CACNA1D: variants seen among roughly 807,000 people sequenced by gnomAD.
The protein encoded by CACNA1D is voltage-dependent L-type calcium channel subunit alpha-1D.
Under a neutral mutation model 257.1 loss-of-function variants are expected in CACNA1D, and 55 were observed. The ratio of observed to expected loss-of-function variants is 0.21; its 90% CI spans 0.17 to 0.27. The LOEUF is 0.27. CACNA1D is among the 10% of genes least tolerant of loss of function. The pLI, the probability that CACNA1D is intolerant of heterozygous loss-of-function variation, is 1.00. For missense variants in CACNA1D, 1,876 were observed against 2,784.0 expected (o/e 0.67, Z 7.34); for synonymous variants, 980 against 1,014.9 (o/e 0.97, Z 0.65).
chr3:53,682,954 G>A (rs539310039), intron 8 of CACNA1D, among the ~76,000 whole-genome samples: 10 of 152,272 alleles, frequency 6.6e-5, no homozygotes, highest in Non-Finnish European at 7.3e-5. Context: ...GGTAAACTCC[G>A]CAGTTGTCCT....
In CACNA1D at chr3:53,735,381, G is replaced by A. The variant is rs564937293; in HGVS notation, c.2629G>A (p.Val877Ile). The A allele has an allele frequency of 1.2e-5, 19 of 1,614,096 alleles. No homozygotes were observed. The East Asian group carries it at 2.2e-4, about 19-fold the overall frequency. ...AGCGGCTTTTCCCTGCAGGATCCGC[G>A]TAGGCTGCCACAAGCTCATCAACCA... ...FILSKTNPIRVGCHKLINHHI... is the reference protein window; with the variant it reads ...FILSKTNPIRIGCHKLINHHI... The change falls in exon 20 of 48, where the codon GTA becomes ATA. Residue 877 changes from valine to isoleucine, a missense_variant. Coordinates refer to ENST00000350061, the MANE Select transcript of CACNA1D (RefSeq NM_001128840.3).
chr3:53,803,706 C>T, intron 44 of CACNA1D, 134 bp downstream of exon 44: 1 of 816,156 alleles, frequency 1.2e-6, no homozygotes, highest in Non-Finnish European at 2.1e-6. Context: ...AAACTCCAGG[C>T]CAGAGGGAGA....
At chr3:53,604,892 C>T (rs2093488751) in intron 3 of CACNA1D, among the ~76,000 whole-genome samples, 1 of 152,148 alleles carries the variant, frequency 6.6e-6, no homozygotes, top group Non-Finnish European at 1.5e-5. Flanking sequence ...GGCAGAGTAG[C>T]ATGCTCACCC....
chr3:53,649,203 A>C lies in CACNA1D; in HGVS notation c.484-1576A>C, dbSNP rs116068260. On this transcript the variant is annotated intron_variant, in intron 3 of 47. Coordinates refer to ENST00000350061, the MANE Select transcript of CACNA1D (RefSeq NM_001128840.3). Reference sequence around the variant, plus strand: ...AAGGGTGTTGGGGATACTGCAAGCAAACATTTAATAGGTGACGGTTCCTCA... The same window carrying C: ...AAGGGTGTTGGGGATACTGCAAGCACACATTTAATAGGTGACGGTTCCTCA... Among the ~76,000 whole-genome samples the C allele has an allele frequency of 5.4e-3, 827 of 152,320 alleles. 9 individuals carry two copies. Among genetic ancestry groups the C allele is most frequent in the African/African-American group, 0.019 (792 of 41,574 alleles).
intron 40 of CACNA1D, among the ~76,000 whole-genome samples, chr3:53,788,503 G>C (rs1233619344): frequency 6.6e-6 from 1 of 152,218 alleles, no homozygotes; most frequent in African/African-American, 2.4e-5. Context: ...GCCTCCGAAA[G>C]ACAAAGCAAA....
intron 9 of CACNA1D, among the ~76,000 whole-genome samples, chr3:53,709,402 G>T (rs147686120): frequency 4.6e-5 from 7 of 152,308 alleles, no homozygotes; most frequent in East Asian, 1.9e-4. Context: ...CAGTCTGCAG[G>T]CTAACTATCA....
At position 53,660,237 on chromosome 3, in the gene CACNA1D, G is replaced by A; in HGVS notation, c.728G>A (p.Arg243Gln). The part of the protein sequence containing the change: ...GFDVKALRAF[R>Q]VLRPLRLVSG... ...GATGTCAAAGCCCTCCGTGCCTTTC[G>A]AGTGTTGCGACCACTTCGACTAGTG... Residue 243 changes from arginine (R) to glutamine (Q), a missense_variant, in exon 5 of 48, where the codon CGA becomes CAA. Arg to Gln is a conservative substitution (Grantham distance 43, BLOSUM62 1). Transcript: ENST00000350061. The A allele has an allele frequency of 6.2e-7, 1 of 1,614,088 alleles. No individual in the cohort carries two copies. The highest frequency in any genetic ancestry group is 8.5e-7 in the Non-Finnish European group (1 of 1,179,980).
At chr3:53,503,570 T>C (rs753807525) in intron 3 of CACNA1D, among the ~76,000 whole-genome samples, 1 of 152,240 alleles carries the variant, frequency 6.6e-6, no homozygotes, top group Non-Finnish European at 1.5e-5. Flanking sequence ...ATAATTAATG[T>C]AGCTGCATGT....
intron 32 of CACNA1D, 35 bp from the exon 33 acceptor site, chr3:53,772,798 G>A (rs367551208): frequency 2.7e-5 from 42 of 1,582,070 alleles, no homozygotes; most frequent in South Asian, 4.4e-5. Context: ...GGGGACAGCC[G>A]GCTGGTGCTG....
At chr3:53,642,706 C>T (rs1403303113) in intron 3 of CACNA1D, among the ~76,000 whole-genome samples, 1 of 152,240 alleles carries the variant, frequency 6.6e-6, no homozygotes, top group Non-Finnish European at 1.5e-5. Flanking sequence ...CACCAGGTCA[C>T]CCTGCTGGCC....
At chr3:53,524,583 A>G (rs1192489915) in intron 3 of CACNA1D, among the ~76,000 whole-genome samples, 1 of 152,220 alleles carries the variant, frequency 6.6e-6, no homozygotes, top group African/African-American at 2.4e-5. Context: ...GGATGAGATG[A>G]TGGAGCAGGG....
intron 3 of CACNA1D, among the ~76,000 whole-genome samples, chr3:53,575,824 A>G (rs1016129350): frequency 2.0e-5 from 3 of 152,224 alleles, no homozygotes; most frequent in African/African-American, 7.2e-5. Context: ...ATGTGCTGAG[A>G]TCTGGTGTTT....
intron 3 of CACNA1D, among the ~76,000 whole-genome samples, chr3:53,540,040 ATCT>A (rs1459953454): frequency 1.4e-5 from 2 of 147,288 alleles, no homozygotes; most frequent in Non-Finnish European, 3.0e-5. Context: ...ACTCTGGCTT[ATCT>A]TCACTTTCTT....
chr3:53,565,410 C>G (rs538168275), intron 3 of CACNA1D, among the ~76,000 whole-genome samples: 2 of 152,222 alleles, frequency 1.3e-5, no homozygotes, highest in African/African-American at 4.8e-5. Flanking sequence ...ATTGTATTGA[C>G]TTGTTTCCTG....
At chr3:53,545,457 A>G (rs1338995917) in intron 3 of CACNA1D, among the ~76,000 whole-genome samples, 1 of 152,192 alleles carries the variant, frequency 6.6e-6, no homozygotes, top group Admixed American at 6.5e-5. Flanking sequence ...TGCCCTTGTC[A>G]TGGAACTGAG....
intron 3 of CACNA1D, among the ~76,000 whole-genome samples, chr3:53,603,824 A>G (rs972930758): frequency 2.0e-4 from 31 of 152,224 alleles, no homozygotes; most frequent in Admixed American, 7.9e-4. Flanking sequence ...AGAATTTTGC[A>G]GGGATACGGG....
chr3:53,505,427 C>T lies in CACNA1D; in HGVS notation c.483+3707C>T, dbSNP rs577487980. Among the ~76,000 whole-genome samples the T allele has an allele frequency of 6.6e-5, 10 of 152,292 alleles. 1 individual carries two copies. Among genetic ancestry groups the T allele is most frequent in the Admixed American group, 6.5e-4 (10 of 15,298 alleles). The stretch of plus-strand genomic sequence containing the variant: ...CCTGGCCTATATGCACATCTTTATC[C>T]TCTGGAGCGTCTTCAAAATACAGTT... On this transcript the variant is annotated intron_variant, in intron 3 of 47. Coordinates refer to ENST00000350061, the MANE Select transcript of CACNA1D (RefSeq NM_001128840.3).
chr3:53,494,663 C>G lies in CACNA1D; in HGVS notation c.-504C>G, dbSNP rs1165445996. ...GGCGCGGAGCGAGCGGGCGGGCGAGCGCCTCCGTCCCCGGATGTGAGCTCC... is the reference window on the plus strand; with the variant it reads ...GGCGCGGAGCGAGCGGGCGGGCGAGGGCCTCCGTCCCCGGATGTGAGCTCC... On this transcript the variant is annotated 5_prime_UTR_variant, in exon 1 of 48. Coordinates refer to ENST00000350061, the MANE Select transcript of CACNA1D (RefSeq NM_001128840.3). The G allele has an allele frequency of 2.1e-5, 3 of 146,000 alleles. No individual in the cohort carries two copies. The highest frequency in any genetic ancestry group is 4.9e-5 in the African/African-American group (2 of 40,564). 9.0% of individuals were successfully genotyped at this position (146,000 alleles called of 1,614,324 possible).
intron 3 of CACNA1D, among the ~76,000 whole-genome samples, chr3:53,567,606 C>G (rs1158793709): frequency 6.6e-6 from 1 of 152,184 alleles, no homozygotes; most frequent in African/African-American, 2.4e-5. Flanking sequence ...AACTTACTCT[C>G]TAGGATTAAT....
Sources: allele counts gnomAD v4.1 joint callset (sites outside exome capture counted in the v4.1 genomes callset), GRCh38; gene constraint gnomAD v4.1.1; transcripts MANE v1.5; gene names NCBI Gene and HGNC (gene_info 2026-07-23, HGNC 2026-07-21).